FZD3: variants seen among roughly 807,000 people sequenced by gnomAD.
FZD3 encodes frizzled-3.
In FZD3, 30 loss-of-function variants were observed where a neutral mutation model predicts 60.7. The ratio of observed to expected loss-of-function variants is 0.49; its 90% CI spans 0.37 to 0.67. The LOEUF (loss-of-function observed/expected upper bound fraction) is 0.67. FZD3 is among the 30% of genes least tolerant of loss of function. The pLI, the probability that FZD3 is intolerant of heterozygous loss-of-function variation, is 0.00. For synonymous variants in FZD3, 246 were observed against 275.2 expected (o/e 0.89, Z 1.05); for missense variants, 605 against 838.7 (o/e 0.72, Z 3.44).
intron 6 of FZD3, among the ~76,000 whole-genome samples, chr8:28,552,827 A>G (rs914650884): frequency 1.3e-5 from 2 of 152,198 alleles, no homozygotes; most frequent in African/African-American, 4.8e-5. Context: ...GTTCCATATC[A>G]GTGGATTCAG....
chr8:28,528,152 A>C lies in FZD3; in HGVS notation c.1392A>C (p.Pro464=). 1 of 1,610,488 alleles carries C rather than the reference A, an allele frequency of 6.2e-7. No individual in the cohort carries two copies. The part of the protein sequence containing the change: ...IQERCREYHI[P]CPYQVTQMSR... ...AACGCTGCAGAGAATATCACATTCC[A>C]TGTCCATATCAGGTAAGGGAAACCT... The change falls in exon 5 of 8, where the codon CCA becomes CCC. Residue 464 remains proline, a synonymous_variant. Transcript: ENST00000240093.
chr8:28,518,050 A>G (rs759223797), intron 3 of FZD3, among the ~76,000 whole-genome samples: 12 of 151,834 alleles, frequency 7.9e-5, no homozygotes, highest in Non-Finnish European at 1.3e-4. Flanking sequence ...TTATTTATTT[A>G]TTTCAGAGAC....
intron 5 of FZD3, among the ~76,000 whole-genome samples, chr8:28,549,959 G>C (rs1020894140): frequency 6.6e-6 from 1 of 152,106 alleles, no homozygotes; most frequent in Admixed American, 6.5e-5. Flanking sequence ...TTTGCATACA[G>C]ATTCCTAAAT....
Position 28,528,071 on chromosome 8 carries a change from A to T in FZD3, c.1311A>T (p.Gly437=), listed in dbSNP as rs1236277470. The change falls in exon 5 of 8, where the codon GGA becomes GGT. Residue 437 remains glycine (G), a synonymous_variant. Coordinates refer to ENST00000240093, the MANE Select transcript of FZD3 (RefSeq NM_017412.4). ...LYLVPLLVVI[G]CYFYEQAYRG... is the part of the protein sequence containing the mutation. ...TCGTACCACTCTTGGTTGTAATTGG[A>T]TGCTACTTTTATGAGCAAGCTTACC... is the stretch of plus-strand genomic sequence containing the variant. 2.5e-6 allele frequency: 4 copies of T among 1,613,804 alleles called. No homozygotes were observed. The highest frequency in any genetic ancestry group is 1.3e-5 in the African/African-American group (1 of 74,892).
intron 1 of FZD3, among the ~76,000 whole-genome samples, chr8:28,499,438 G>C (rs979870643): frequency 3.9e-5 from 6 of 151,964 alleles, no homozygotes; most frequent in African/African-American, 1.5e-4. Context: ...CTTTTCAGTT[G>C]TTACCAGCTT....
In FZD3 at chr8:28,528,142, A is replaced by T. The variant is rs1804767723; in HGVS notation, c.1382A>T (p.Tyr461Phe). 1 of 1,612,670 alleles carries T rather than the reference A, an allele frequency of 6.2e-7. No individual in the cohort carries two copies. Among genetic ancestry groups the T allele is most frequent in the Non-Finnish European group, 8.5e-7 (1 of 1,179,242 alleles). ...TTWIQERCRE[Y>F]HIPCPYQVTQ... Reference sequence around the variant, plus strand: ...TGGATACAAGAACGCTGCAGAGAATATCACATTCCATGTCCATATCAGGTA... The same window carrying T: ...TGGATACAAGAACGCTGCAGAGAATTTCACATTCCATGTCCATATCAGGTA... The change falls in exon 5 of 8, where the codon TAT becomes TTT. Residue 461 changes from tyrosine to phenylalanine, a missense_variant. By Grantham distance (22) the Tyr-to-Phe change is conservative. Transcript: ENST00000240093.
chr8:28,565,393 G>T lies in FZD3; in HGVS notation c.*2382G>T, dbSNP rs957343743. 5.3e-5 allele frequency: 8 copies of T among 152,096 alleles called. No homozygotes were observed. Among genetic ancestry groups the T allele is most frequent in the African/African-American group, 1.7e-4 (7 of 41,414 alleles). 9.4% of individuals were successfully genotyped at this position (152,096 alleles called of 1,614,324 possible). ...TTTATCAATAATTCATGAAGCTTTT[G>T]TCTGAGAATCTCTCCTGCAAACAGC... On this transcript the variant is annotated 3_prime_UTR_variant, in exon 8 of 8. Coordinates refer to ENST00000240093, the MANE Select transcript of FZD3 (RefSeq NM_017412.4).
chr8:28,559,428 A>G (rs926430610), intron 7 of FZD3, among the ~76,000 whole-genome samples: 1 of 152,220 alleles, frequency 6.6e-6, no homozygotes, highest in Non-Finnish European at 1.5e-5. Flanking sequence ...TGCAGCTTCT[A>G]GAGAATAAGA....
At chr8:28,538,162 G>A (rs2130420050) in intron 5 of FZD3, among the ~76,000 whole-genome samples, 1 of 150,670 alleles carries the variant, frequency 6.6e-6, no homozygotes, top group South Asian at 2.1e-4. Flanking sequence ...ATATAATCTA[G>A]TACTGTTATC....
chr8:28,504,900 A>G (rs1294044431), intron 3 of FZD3, among the ~76,000 whole-genome samples: 2 of 152,198 alleles, frequency 1.3e-5, no homozygotes. Flanking sequence ...TAGTCTAGAT[A>G]TTTCAGTGAC....
Position 28,568,375 on chromosome 8 carries a change from G to A in FZD3, c.*5364G>A, listed in dbSNP as rs1195402888. On this transcript the variant is annotated 3_prime_UTR_variant, in exon 8 of 8. Transcript: ENST00000240093. ...TTCTCTTCTCTCCTTCTTTTGTTCC[G>A]ATTAGATGAATTTGGGAAAGGAGTA... 2 of 151,888 alleles carry A rather than the reference G, an allele frequency of 1.3e-5. No homozygotes were observed. The highest frequency in any genetic ancestry group is 2.4e-5 in the African/African-American group (1 of 41,364). 9.4% of individuals were successfully genotyped at this position (151,888 alleles called of 1,614,324 possible).
intron 3 of FZD3, among the ~76,000 whole-genome samples, chr8:28,507,651 A>C (rs939919465): frequency 3.9e-5 from 6 of 152,232 alleles, no homozygotes; most frequent in Admixed American, 3.9e-4. Flanking sequence ...AGTTTATATA[A>C]GAAAGATAGG....
chr8:28,541,397 T>G (rs1176003956), intron 5 of FZD3, among the ~76,000 whole-genome samples: 1 of 152,260 alleles, frequency 6.6e-6, no homozygotes, highest in Non-Finnish European at 1.5e-5. Flanking sequence ...CTTCCAAATC[T>G]TCTTGCCTAA....
chr8:28,516,467 C>T (rs528406997), intron 3 of FZD3, among the ~76,000 whole-genome samples: 2 of 152,082 alleles, frequency 1.3e-5, no homozygotes, highest in Non-Finnish European at 2.9e-5. Context: ...GGGATTACAC[C>T]GAATCTGTAG....
At chr8:28,526,598 T>G (rs1804720465) in intron 4 of FZD3, among the ~76,000 whole-genome samples, 1 of 152,178 alleles carries the variant, frequency 6.6e-6, no homozygotes, top group South Asian at 2.1e-4. Flanking sequence ...TATTCAGGGT[T>G]CCAGTAAATA....
Position 28,527,420 on chromosome 8 carries a change from T to A in FZD3, c.660T>A (p.Thr220=). Residue 220 remains threonine, a synonymous_variant, in exon 5 of 8, where the codon ACT becomes ACA. Transcript: ENST00000240093. The surrounding 1 kb of genome is among the most constrained non-coding windows in gnomAD (Gnocchi z 5.0). The part of the protein sequence containing the change: ...SIICLSATLF[T]FLTFLIDVTR... Reference sequence around the variant, plus strand: ...TTTGCCTCTCGGCCACATTGTTTACTTTTTTAACTTTTTTGATTGATGTCA... The same window carrying A: ...TTTGCCTCTCGGCCACATTGTTTACATTTTTAACTTTTTTGATTGATGTCA... The A allele has an allele frequency of 6.2e-7, 1 of 1,613,914 alleles. No homozygotes were observed. The highest frequency in any genetic ancestry group is 8.5e-7 in the Non-Finnish European group (1 of 1,179,838).
Position 28,502,950 on chromosome 8 carries a change from A to T in FZD3, c.-64A>T. ...CCTTCGAGCTGAGACCTGCAGGTGT[A>T]TAAATATCTAAAATACATATTGAAT... On this transcript the variant is annotated 5_prime_UTR_variant, in exon 3 of 8. Transcript: ENST00000240093. 9.3e-7 allele frequency: 1 copy of T among 1,075,714 alleles called. No homozygotes were observed. The highest frequency in any genetic ancestry group is 1.4e-6 in the Non-Finnish European group (1 of 727,638). 66.6% of individuals were successfully genotyped at this position (1,075,714 alleles called of 1,614,324 possible).
intron 3 of FZD3, chr8:28,505,065 G>C (rs1404288026): frequency 1.3e-5 from 2 of 154,812 alleles, no homozygotes; most frequent in Non-Finnish European, 2.9e-5. Flanking sequence ...TGATGCCACT[G>C]ACAGAAAGAA....
At chr8:28,534,717 CTTTG>C (rs1804965868) in intron 5 of FZD3, among the ~76,000 whole-genome samples, 1 of 152,136 alleles carries the variant, frequency 6.6e-6, no homozygotes, top group African/African-American at 2.4e-5. Context: ...ATTTGCCCTA[CTTTG>C]ATTTTAATAT....
Sources: allele counts gnomAD v4.1 joint callset (sites outside exome capture counted in the v4.1 genomes callset), GRCh38; gene constraint gnomAD v4.1.1; non-coding constraint Gnocchi (gnomAD v3.1); transcripts MANE v1.5; gene names NCBI Gene and HGNC (gene_info 2026-07-23, HGNC 2026-07-21).